Variants in NAALADL2 observed in about 807,000 individuals in gnomAD.
NAALADL2 encodes inactive N-acetylated-alpha-linked acidic dipeptidase-like protein 2.
Under a neutral mutation model 87.2 loss-of-function variants are expected in NAALADL2, and 76 were observed. That is an observed-to-expected ratio of 0.87 (90% CI 0.72 to 1.05). The LOEUF is 1.05. NAALADL2 is among the 50% of genes least tolerant of loss of function. The probability of loss-of-function intolerance (pLI) is 0.00; values close to 1 mark genes in which losing one functional copy is unlikely to be tolerated. For synonymous variants in NAALADL2, 354 were observed against 331.0 expected, an observed-to-expected ratio of 1.07 and a Z score of -0.75; for missense variants, 1,089 against 945.8, an observed-to-expected ratio of 1.15 and a Z score of -1.99.
chr3:175,294,861 G>A (rs750462312), intron 4 of NAALADL2, among the ~76,000 whole-genome samples: 9 of 152,092 alleles, frequency 5.9e-5, no homozygotes, highest in Non-Finnish European at 1.3e-4. Context: ...ATCAGTAGAG[G>A]ATCTGCCATG....
chr3:175,528,902 G>A (rs1314088350), intron 9 of NAALADL2, among the ~76,000 whole-genome samples: 1 of 152,168 alleles, frequency 6.6e-6, no homozygotes, highest in East Asian at 1.9e-4. Flanking sequence ...CCTTGTTTAT[G>A]CATCTGGTCA....
chr3:174,484,137 T>C lies in NAALADL2; in HGVS notation c.-184+43105T>C, dbSNP rs371360007. Among the ~76,000 whole-genome samples the C allele has an allele frequency of 2.6e-4, 40 of 151,474 alleles. 2 individuals carry two copies. In the East Asian group the frequency reaches 7.2e-3, roughly 27 times the overall value. ...GTCGAGTGTGATTTACATTATGGTA[T>C]AGCTCCTATAGGCAGTATTTGCTGA... is the stretch of plus-strand genomic sequence containing the variant. On this transcript the variant is annotated intron_variant, in intron 1 of 3. Coordinates refer to the NAALADL2 transcript ENST00000434257.
intron 1 of NAALADL2, among the ~76,000 whole-genome samples, chr3:175,019,788 C>A (rs1406650289): frequency 2.0e-5 from 3 of 152,050 alleles, no homozygotes; most frequent in Admixed American, 2.0e-4. Flanking sequence ...TATCAAATGT[C>A]ACTCAGTATA....
chr3:175,450,777 G>A (rs541089507), intron 6 of NAALADL2, among the ~76,000 whole-genome samples: 1 of 152,296 alleles, frequency 6.6e-6, no homozygotes, highest in South Asian at 2.1e-4. Context: ...TTCAGAAAGG[G>A]AAATTGGCAA....
chr3:175,561,018 T>A (rs1716185200), intron 9 of NAALADL2, among the ~76,000 whole-genome samples: 1 of 152,232 alleles, frequency 6.6e-6, no homozygotes, highest in African/African-American at 2.4e-5. Context: ...TTGAATAATG[T>A]ATTCTCCCAA....
At chr3:174,580,469 T>C (rs1008026903) in intron 2 of NAALADL2, among the ~76,000 whole-genome samples, 7 of 152,100 alleles carry the variant, frequency 4.6e-5, no homozygotes, top group Non-Finnish European at 1.0e-4. Flanking sequence ...GTGCAGTTTT[T>C]ACTCATGTAT....
At chr3:175,266,825 A>G (rs1391034345) in intron 4 of NAALADL2, among the ~76,000 whole-genome samples, 7 of 151,884 alleles carry the variant, frequency 4.6e-5, no homozygotes, top group Non-Finnish European at 7.4e-5. Flanking sequence ...TAATAATAGC[A>G]TATCAATAAT....
chr3:175,668,676 T>C (rs1158512924), intron 11 of NAALADL2, among the ~76,000 whole-genome samples: 1 of 152,164 alleles, frequency 6.6e-6, no homozygotes, highest in Admixed American at 6.6e-5. Context: ...CTTTGCAAAA[T>C]TAATTTCTCC....
Position 174,545,608 on chromosome 3 carries a change from G to A in NAALADL2, c.-183-4961G>A, listed in dbSNP as rs570063008. Reference sequence around the variant, plus strand: ...ACTCAGAAAATTTTGTGATCACTTTGTTGGATATCTATATGCCTTTTCAAA... The same window carrying A: ...ACTCAGAAAATTTTGTGATCACTTTATTGGATATCTATATGCCTTTTCAAA... On this transcript the variant is annotated intron_variant, in intron 1 of 3. Coordinates refer to the NAALADL2 transcript ENST00000434257. Among the ~76,000 whole-genome samples the A allele has an allele frequency of 2.0e-5, 3 of 152,156 alleles. No individual in the cohort carries two copies. The East Asian group carries it at 5.8e-4, about 29-fold the overall frequency.
chr3:175,133,134 CAG>C (rs1435051940), intron 2 of NAALADL2, among the ~76,000 whole-genome samples: 3 of 149,182 alleles, frequency 2.0e-5, no homozygotes, highest in African/African-American at 5.1e-5. Context: ...GGCGGCCGGG[CAG>C]AGACGCTCCT....
chr3:175,369,211 C>A (rs1766109697), intron 5 of NAALADL2, among the ~76,000 whole-genome samples: 1 of 152,070 alleles, frequency 6.6e-6, no homozygotes, highest in African/African-American at 2.4e-5. Context: ...CAGCACCTGA[C>A]TGTATATATA....
intron 5 of NAALADL2, among the ~76,000 whole-genome samples, chr3:175,329,474 T>C (rs1282632266): frequency 6.6e-6 from 1 of 152,198 alleles, no homozygotes; most frequent in Non-Finnish European, 1.5e-5. Context: ...TCCAGTTACT[T>C]GGACAAATAT....
intron 2 of NAALADL2, among the ~76,000 whole-genome samples, chr3:174,673,795 G>T (rs987857284): frequency 2.0e-5 from 3 of 151,936 alleles, no homozygotes; most frequent in African/African-American, 7.3e-5. Flanking sequence ...ATAGCTTGAG[G>T]AGAAGATTTA....
intron 11 of NAALADL2, among the ~76,000 whole-genome samples, chr3:175,667,165 GAAAGAAAGAAAGAAAGAGAAAGAA>G (rs1733137304): frequency 8.7e-6 from 1 of 115,304 alleles, no homozygotes; most frequent in Non-Finnish European, 1.8e-5. Flanking sequence ...GAAAGAAAAA[GAAAGAAAGAAAGAAAGAGAAAGAA>G]AGAAAGAAAG....
intron 3 of NAALADL2, among the ~76,000 whole-genome samples, chr3:174,836,708 CAAA>C (rs36091749): frequency 1.7e-3 from 111 of 65,362 alleles, no homozygotes; most frequent in African/African-American, 4.2e-3. Context: ...GACTCCGTCT[CAAA>C]AAAAAAAAAA....
chr3:175,341,548 G>A (rs1762570193), intron 5 of NAALADL2, among the ~76,000 whole-genome samples: 2 of 152,102 alleles, frequency 1.3e-5, no homozygotes, highest in South Asian at 4.1e-4. Flanking sequence ...GGGTCATGTG[G>A]TAACTTTGTA....
chr3:175,102,143 G>A (rs1722322806), intron 2 of NAALADL2, among the ~76,000 whole-genome samples: 3 of 152,076 alleles, frequency 2.0e-5, no homozygotes, highest in Admixed American at 2.0e-4. Context: ...TCCATTATAT[G>A]GATGTCATGT....
At chr3:174,747,114 A>G (rs1384807414) in intron 3 of NAALADL2, among the ~76,000 whole-genome samples, 1 of 152,198 alleles carries the variant, frequency 6.6e-6, no homozygotes, top group Admixed American at 6.5e-5. Flanking sequence ...TGCATAGCAA[A>G]TGAAACTATC....
chr3:174,725,951 GT>G (rs1362670694), intron 2 of NAALADL2, among the ~76,000 whole-genome samples: 2 of 152,128 alleles, frequency 1.3e-5, no homozygotes, highest in Non-Finnish European at 2.9e-5. Context: ...GTGAATTGTT[GT>G]ATTCCTCATG....
Sources: allele counts gnomAD v4.1 joint callset (sites outside exome capture counted in the v4.1 genomes callset), GRCh38; gene constraint gnomAD v4.1.1; transcripts MANE v1.5; gene names NCBI Gene and HGNC (gene_info 2026-07-23, HGNC 2026-07-21).